CELF2: variants seen among roughly 807,000 people sequenced by gnomAD.
The protein encoded by CELF2 is CUG triplet repeat RNA-binding protein 2.
CELF2 carries 8 observed loss-of-function variants against 62.6 expected under a neutral mutation model. The observed-to-expected ratio is 0.13, with a 90% CI of 0.07 to 0.23. CELF2 has a LOEUF of 0.23. Among genes scored for constraint, CELF2 ranks in the 10% least tolerant of loss-of-function variants. The pLI, the probability that CELF2 is intolerant of heterozygous loss-of-function variation, is 1.00. For missense variants in CELF2, 333 were observed against 671.0 expected, an observed-to-expected ratio of 0.50 and a Z score of 5.56; for synonymous variants, 258 against 250.0, an observed-to-expected ratio of 1.03 and a Z score of -0.30.
At position 11,306,995 on chromosome 10, in the gene CELF2, G is replaced by GCA. The variant is rs1565899808; in HGVS notation, c.977-7143_977-7142insAC. Among the ~76,000 whole-genome samples, 3 of 152,156 alleles carry GCA rather than the reference G, an allele frequency of 2.0e-5. No homozygotes were observed. Among genetic ancestry groups the GCA allele is most frequent in the Non-Finnish European group, 2.9e-5 (2 of 68,028 alleles). On this transcript the variant is annotated intron_variant, in intron 9 of 12. Transcript: ENST00000633077. This position sits in a 1 kb window ranked among gnomAD's most constrained non-coding sequence, Gnocchi z 4.4. ...AGGCTGCCCCATGCTCATAGGCTGTGCGTGTATCTGTGCCTAAGGAGTTCT... is the reference window on the plus strand; with the variant it reads ...AGGCTGCCCCATGCTCATAGGCTGTGCACGTGTATCTGTGCCTAAGGAGTTCT...
chr10:10,508,660 A>ATGTG, the CELF2 span, among the ~76,000 whole-genome samples: 2,238 of 140,532 alleles, frequency 0.016, 22 homozygotes, highest in African/African-American at 0.018. Flanking sequence ...TCTTAAACAG[A>ATGTG]TGTGTGTGTG....
the CELF2 span, among the ~76,000 whole-genome samples, chr10:10,721,961 G>A: frequency 1.3e-5 from 2 of 152,248 alleles, no homozygotes; most frequent in African/African-American, 2.4e-5. Context: ...ATGATTAAAC[G>A]AGGCATAGTT....
intron 2 of CELF2, among the ~76,000 whole-genome samples, chr10:11,172,867 A>G (rs1268497504): frequency 6.6e-6 from 1 of 152,014 alleles, no homozygotes; most frequent in African/African-American, 2.4e-5. Flanking sequence ...TTCTGGAATT[A>G]AAGTAGCAGA....
chr10:10,696,550 T>G, the CELF2 span, among the ~76,000 whole-genome samples: 2 of 151,990 alleles, frequency 1.3e-5, no homozygotes, highest in Non-Finnish European at 2.9e-5. Flanking sequence ...GCTTCCCTGC[T>G]GCTTTGTTTA....
intron 4 of CELF2, among the ~76,000 whole-genome samples, chr10:11,252,840 C>T (rs999504267): frequency 2.6e-5 from 4 of 152,168 alleles, no homozygotes; most frequent in African/African-American, 7.2e-5. Flanking sequence ...CTGAGTAAAC[C>T]ACCCACCTTC....
At chr10:10,929,387 A>C (rs941569757) in intron 2 of CELF2, among the ~76,000 whole-genome samples, 1 of 152,240 alleles carries the variant, frequency 6.6e-6, no homozygotes, top group African/African-American at 2.4e-5. Context: ...ATTTAGCTCA[A>C]TGCCTGCCAC....
intron 1 of CELF2, among the ~76,000 whole-genome samples, chr10:10,897,608 T>C (rs2062652758): frequency 1.3e-5 from 2 of 152,128 alleles, no homozygotes; most frequent in East Asian, 3.9e-4. Context: ...GGCCTGTGAC[T>C]CATGGACCCA....
the CELF2 span, among the ~76,000 whole-genome samples, chr10:10,518,301 C>A: frequency 6.6e-6 from 1 of 152,154 alleles, no homozygotes; most frequent in Non-Finnish European, 1.5e-5. Flanking sequence ...GGACTTGAGA[C>A]AAATACTGAG....
the CELF2 span, among the ~76,000 whole-genome samples, chr10:10,577,508 C>A: frequency 1.3e-5 from 2 of 151,550 alleles, no homozygotes; most frequent in East Asian, 2.0e-4. Context: ...ATCCCTCCCC[C>A]CTCACCCCAC....
intron 8 of CELF2, among the ~76,000 whole-genome samples, chr10:11,276,012 A>G (rs1000816270): frequency 6.6e-6 from 1 of 152,230 alleles, no homozygotes; most frequent in Non-Finnish European, 1.5e-5. Flanking sequence ...TGTGTTAATC[A>G]AGGACACCCT....
intron 1 of CELF2, among the ~76,000 whole-genome samples, chr10:10,857,409 G>A (rs2059780213): frequency 6.6e-6 from 1 of 151,850 alleles, no homozygotes; most frequent in African/African-American, 2.4e-5. Context: ...TAGCCTTGGA[G>A]TAAAGGCTAA....
chr10:10,717,955 C>G, the CELF2 span, among the ~76,000 whole-genome samples: 1 of 152,016 alleles, frequency 6.6e-6, no homozygotes, highest in African/African-American at 2.4e-5. Context: ...AATTCTGTTT[C>G]CTAGTGAGCT....
rs377577469 is a variant in CELF2 at position 11,324,822 on chromosome 10, G to A, written c.1295-1014G>A. Among the ~76,000 whole-genome samples, 27 of 152,244 alleles carry A rather than the reference G, an allele frequency of 1.8e-4. No individual in the cohort carries two copies. Among genetic ancestry groups the A allele is most frequent in the African/African-American group, 6.3e-4 (26 of 41,532 alleles). On this transcript the variant is annotated intron_variant, in intron 11 of 12. Transcript: ENST00000633077. This position sits in a 1 kb window ranked among gnomAD's most constrained non-coding sequence, Gnocchi z 4.7. ...CTATCCCCTGGGGTTGCCTAGTTGG[G>A]CAGGCAGGCCTGTTCCTCTCCTGTG...
intron 1 of CELF2, among the ~76,000 whole-genome samples, chr10:10,816,545 A>G (rs909423599): frequency 5.3e-5 from 8 of 152,340 alleles, no homozygotes; most frequent in Middle Eastern, 3.4e-3. Context: ...CTGAATAGCC[A>G]TAGAGCTGTA....
chr10:10,856,428 A>C (rs2059710811), intron 1 of CELF2, among the ~76,000 whole-genome samples: 1 of 152,136 alleles, frequency 6.6e-6, no homozygotes, highest in East Asian at 1.9e-4. Context: ...TAGAACAGAG[A>C]GATCAAATAT....
At position 11,319,854 on chromosome 10, in the gene CELF2, G is replaced by A; in HGVS notation, c.1097-1335G>A. The A allele has an allele frequency of 2.1e-6, 1 of 471,106 alleles. No individual in the cohort carries two copies. The allele number at this position is 471,106 out of a possible 1,614,324, so 29.2% of individuals were successfully genotyped here. A position where few individuals can be genotyped will look rare whatever the true frequency, so the allele number is the denominator to read the frequency against. On this transcript the variant is annotated intron_variant, in intron 10 of 12. Transcript: ENST00000633077. The surrounding 1 kb of genome is among the most constrained non-coding windows in gnomAD (Gnocchi z 4.4). ...AATAGAAGCACAAGTGGAGTAAACA[G>A]AACATTCCCCACCTGCTCTGTTAGG... is the stretch of plus-strand genomic sequence containing the variant.
At chr10:10,482,312 C>G in the CELF2 span, among the ~76,000 whole-genome samples, 1 of 152,116 alleles carries the variant, frequency 6.6e-6, no homozygotes, top group East Asian at 1.9e-4. Context: ...AATGTTCAAT[C>G]ACAGATTTAT....
chr10:10,671,127 C>G, the CELF2 span, among the ~76,000 whole-genome samples: 2 of 142,578 alleles, frequency 1.4e-5, no homozygotes, highest in Non-Finnish European at 1.5e-5. Context: ...GATTGCACCA[C>G]TGCACTCCAA....
the CELF2 span, among the ~76,000 whole-genome samples, chr10:10,617,034 G>A: frequency 1.3e-5 from 2 of 152,214 alleles, no homozygotes; most frequent in Middle Eastern, 3.4e-3. Flanking sequence ...TGGGATTACA[G>A]GCATGAGCCA....
Sources: allele counts gnomAD v4.1 joint callset (sites outside exome capture counted in the v4.1 genomes callset), GRCh38; gene constraint gnomAD v4.1.1; non-coding constraint Gnocchi (gnomAD v3.1); transcripts MANE v1.5; gene names NCBI Gene and HGNC (gene_info 2026-07-23, HGNC 2026-07-21).